The following SOX6 variants were observed in gnomAD, a reference collection of about 807,000 sequenced individuals.
SOX6 encodes the protein transcription factor SOX-6.
Under a neutral mutation model 97.8 loss-of-function variants are expected in SOX6, and 11 were observed. The ratio of observed to expected loss-of-function variants is 0.11; its 90% CI spans 0.07 to 0.19. The LOEUF is 0.19. Ranked by LOEUF, SOX6 falls within the 10% of genes least tolerant of loss-of-function variation. The pLI is 1.00. For synonymous variants in SOX6, 360 were observed against 371.4 expected (o/e 0.97, Z 0.35); for missense variants, 810 against 1,039.5 (o/e 0.78, Z 3.04).
At chr11:16,652,167 G>A (rs1165510722) in intron 3 of SOX6, among the ~76,000 whole-genome samples, 4 of 152,124 alleles carry the variant, frequency 2.6e-5, no homozygotes, top group Non-Finnish European at 4.4e-5. Context: ...AATCAATACT[G>A]TGAAAATGAC....
intron 9 of SOX6, among the ~76,000 whole-genome samples, chr11:16,058,210 G>C (rs1422418638): frequency 6.6e-6 from 1 of 151,810 alleles, no homozygotes; most frequent in African/African-American, 2.4e-5. Context: ...AAACTTCTCT[G>C]AATGTTTTAA....
chr11:16,709,939 A>C lies in SOX6; in HGVS notation n.429+4891T>G, dbSNP rs9943562. On this transcript the variant is annotated intron_variant and non_coding_transcript_variant, in intron 3 of 5. Coordinates refer to the SOX6 transcript ENST00000524520. ...TATCAATTCTTTAATTCGTTCAGCAAATACAATAAAACTTTATTACTTTAT... is the reference window on the plus strand; with the variant it reads ...TATCAATTCTTTAATTCGTTCAGCACATACAATAAAACTTTATTACTTTAT... 6.4e-3 allele frequency among the ~76,000 whole-genome samples: 975 copies of C among 152,336 alleles called. 4 individuals are homozygous for C. The highest frequency in any genetic ancestry group is 0.021 in the African/African-American group (880 of 41,586).
chr11:16,570,591 T>C (rs1847928208), intron 4 of SOX6, among the ~76,000 whole-genome samples: 2 of 152,198 alleles, frequency 1.3e-5, no homozygotes, highest in South Asian at 4.1e-4. Context: ...CATCTATAAT[T>C]AGCTCTCTTG....
At chr11:16,203,162 AC>A (rs774145979) in intron 4 of SOX6, among the ~76,000 whole-genome samples, 1 of 152,260 alleles carries the variant, frequency 6.6e-6, no homozygotes, top group East Asian at 1.9e-4. Context: ...AATCACTACA[AC>A]CCAATGTAAC....
intron 3 of SOX6, among the ~76,000 whole-genome samples, chr11:16,242,778 T>TA (rs1853232610): frequency 6.6e-6 from 1 of 151,998 alleles, no homozygotes; most frequent in Non-Finnish European, 1.5e-5. Flanking sequence ...TTTTTACTGA[T>TA]AAAATATCCA....
At chr11:16,512,477 AG>A (rs1473256569) in intron 4 of SOX6, among the ~76,000 whole-genome samples, 4 of 152,246 alleles carry the variant, frequency 2.6e-5, no homozygotes, top group Non-Finnish European at 5.9e-5. Context: ...ATCTGTTTGC[AG>A]TGTCTGAAAA....
chr11:16,604,960 C>A (rs1035410496), intron 4 of SOX6, among the ~76,000 whole-genome samples: 8 of 152,150 alleles, frequency 5.3e-5, no homozygotes, highest in Non-Finnish European at 8.8e-5. Context: ...TCAGCAGCCC[C>A]GGGCCGCTCC....
At chr11:16,644,133 C>A (rs1224013478) in intron 3 of SOX6, among the ~76,000 whole-genome samples, 1 of 152,140 alleles carries the variant, frequency 6.6e-6, no homozygotes, top group South Asian at 2.1e-4. Context: ...CTCAACCTCC[C>A]AGGCTCAAGC....
At chr11:16,163,373 T>C (rs1200669059) in intron 6 of SOX6, among the ~76,000 whole-genome samples, 3 of 152,218 alleles carry the variant, frequency 2.0e-5, no homozygotes, top group Non-Finnish European at 4.4e-5. Flanking sequence ...AGATTTTTAC[T>C]ATGCCTTTTA....
chr11:16,697,935 C>A (rs1266097437), intron 3 of SOX6, among the ~76,000 whole-genome samples: 2 of 152,178 alleles, frequency 1.3e-5, no homozygotes. Flanking sequence ...TGCTGTCATC[C>A]AGGCTTTGTC....
chr11:16,655,597 T>C (rs1289477507), intron 3 of SOX6, among the ~76,000 whole-genome samples: 1 of 152,258 alleles, frequency 6.6e-6, no homozygotes, highest in Middle Eastern at 3.2e-3. Flanking sequence ...AAATCTTTTC[T>C]CAATTCTGGA....
intron 3 of SOX6, among the ~76,000 whole-genome samples, chr11:16,258,825 G>GTA (rs1041899445): frequency 6.4e-5 from 8 of 124,850 alleles, no homozygotes; most frequent in East Asian, 2.4e-4. Context: ...CTATATACAT[G>GTA]TATATACACA....
chr11:16,664,789 C>A (rs1335292952), intron 3 of SOX6, among the ~76,000 whole-genome samples: 1 of 151,952 alleles, frequency 6.6e-6, no homozygotes, highest in Non-Finnish European at 1.5e-5. Flanking sequence ...GGAAAGACTA[C>A]TTCCTTCTGC....
chr11:15,966,736 A>T lies in SOX6; in HGVS notation c.*6073T>A, dbSNP rs1853152875. ...GATAGATAAAGACAGTGTGTCTTTC[A>T]ATTTTGTCTTTTCCCTTAATTATGA... On this transcript the variant is annotated 3_prime_UTR_variant, in exon 16 of 16. Coordinates refer to ENST00000683767, the MANE Select transcript of SOX6 (RefSeq NM_001367873.1). The T allele has an allele frequency of 6.6e-6, 1 of 152,126 alleles. No individual in the cohort carries two copies. The highest frequency in any genetic ancestry group is 2.4e-5 in the African/African-American group (1 of 41,420). The allele number at this position is 152,126 out of a possible 1,614,324, so 9.4% of individuals were successfully genotyped here. A position where few individuals can be genotyped will look rare whatever the true frequency, so the allele number is the denominator to read the frequency against.
intron 12 of SOX6, among the ~76,000 whole-genome samples, chr11:16,029,994 T>C (rs1855322213): frequency 6.6e-6 from 1 of 152,192 alleles, no homozygotes; most frequent in African/African-American, 2.4e-5. Context: ...ATGATCAAAA[T>C]TTTAATTTTG....
chr11:16,693,446 A>T (rs957112706), intron 3 of SOX6, among the ~76,000 whole-genome samples: 1 of 151,922 alleles, frequency 6.6e-6, no homozygotes, highest in African/African-American at 2.4e-5. Context: ...CAGTTTTTTC[A>T]TTAATATTAT....
At chr11:16,078,606 T>C (rs1215859879) in intron 9 of SOX6, among the ~76,000 whole-genome samples, 3 of 152,088 alleles carry the variant, frequency 2.0e-5, no homozygotes, top group Non-Finnish European at 4.4e-5. Context: ...AAAGCAGACG[T>C]GGGCAGTGAC....
chr11:16,203,798 C>T (rs1852001607), intron 4 of SOX6, among the ~76,000 whole-genome samples: 2 of 151,984 alleles, frequency 1.3e-5, no homozygotes, highest in South Asian at 4.2e-4. Context: ...TGAGGTGATA[C>T]TATTGTTACT....
chr11:16,164,886 A>C (rs1850847049), intron 6 of SOX6, among the ~76,000 whole-genome samples: 1 of 152,046 alleles, frequency 6.6e-6, no homozygotes, highest in Non-Finnish European at 1.5e-5. Context: ...AGTATGTCTC[A>C]TATTTCCTGT....
Sources: allele counts gnomAD v4.1 joint callset (sites outside exome capture counted in the v4.1 genomes callset), GRCh38; gene constraint gnomAD v4.1.1; transcripts MANE v1.5; gene names NCBI Gene and HGNC (gene_info 2026-07-23, HGNC 2026-07-21).